ADAMTS18: variants seen among roughly 807,000 people sequenced by gnomAD.
ADAMTS18 encodes A disintegrin and metalloproteinase with thrombospondin motifs 18.
In ADAMTS18, 157 loss-of-function variants were observed where a neutral mutation model predicts 165.9. The observed-to-expected ratio is 0.95, with a 90% CI of 0.83 to 1.08. The LOEUF is 1.08. Among genes scored for constraint, ADAMTS18 ranks in the 50% least tolerant of loss-of-function variants. ADAMTS18 has a pLI of 0.00. For synonymous variants in ADAMTS18, 782 were observed against 578.2 expected (o/e 1.35, Z -5.06); for missense variants, 2,040 against 1,534.0 (o/e 1.33, Z -5.51).
intron 16 of ADAMTS18, among the ~76,000 whole-genome samples, chr16:77,304,704 A>G (rs2055650071): frequency 6.6e-6 from 1 of 152,248 alleles, no homozygotes; most frequent in Non-Finnish European, 1.5e-5. Flanking sequence ...TATCTGGCCA[A>G]AAGAAAAAGA....
intron 21 of ADAMTS18, 117 bp downstream of exon 21, chr16:77,291,149 G>T: frequency 8.7e-7 from 1 of 1,143,188 alleles, no homozygotes; most frequent in Non-Finnish European, 1.3e-6. Flanking sequence ...CAGAACTTGA[G>T]CCCTTAGTTG....
At chr16:77,287,893 T>C (rs1310880290) in intron 22 of ADAMTS18, among the ~76,000 whole-genome samples, 2 of 152,174 alleles carry the variant, frequency 1.3e-5, no homozygotes, top group African/African-American at 2.4e-5. Context: ...TTTGTTGTTG[T>C]AGCTTTCTTT....
In ADAMTS18 at chr16:77,434,608, T is replaced by C. The variant is rs950470974; in HGVS notation, c.88A>G (p.Lys30Glu). Residue 30 changes from lysine to glutamate, a missense_variant and splice_region_variant, in exon 1 of 23, where the codon AAG (lysine) becomes GAG (glutamate). Transcript: ENST00000282849. The stretch of plus-strand genomic sequence containing the variant: ...GAGCTCCGCTCGGCGGCACCTGCCT[T>C]GGCCACGCGCCCCAGTCCCGCCAGG... ...RGLAGLGRVA[K>E]ALQLCCLCCA... 1 of 1,523,474 alleles carries C rather than the reference T, an allele frequency of 6.6e-7. No homozygotes were observed. Among genetic ancestry groups the C allele is most frequent in the Non-Finnish European group, 8.8e-7 (1 of 1,141,084 alleles). 94.4% of individuals were successfully genotyped at this position (1,523,474 alleles called of 1,614,324 possible).
At chr16:77,366,301 T>G (rs989598069) in intron 4 of ADAMTS18, among the ~76,000 whole-genome samples, 6 of 152,220 alleles carry the variant, frequency 3.9e-5, no homozygotes, top group Non-Finnish European at 7.3e-5. Flanking sequence ...GCTCATGCCT[T>G]TAATGCTAAC....
At chr16:77,378,349 A>C (rs1263544828) in intron 3 of ADAMTS18, among the ~76,000 whole-genome samples, 2 of 102,808 alleles carry the variant, frequency 1.9e-5, no homozygotes, top group African/African-American at 6.4e-5. Flanking sequence ...ACAAAAAAAA[A>C]CAAAAAAAAA....
intron 11 of ADAMTS18, among the ~76,000 whole-genome samples, 199 bp from the exon 12 acceptor site, chr16:77,336,103 A>G (rs1196539171): frequency 6.6e-6 from 1 of 152,252 alleles, no homozygotes; most frequent in Non-Finnish European, 1.5e-5. Flanking sequence ...TGAAAGGCTG[A>G]CATCTAGAGA....
chr16:77,289,196 A>G (rs68045879), intron 22 of ADAMTS18, 68 bp downstream of exon 22: 213,419 of 1,587,464 alleles, frequency 0.13, 15,545 homozygotes, highest in African/African-American at 0.25. Context: ...CTGCACTACT[A>G]ACAAAGTAGC....
At chr16:77,379,646 A>G (rs962205332) in intron 3 of ADAMTS18, among the ~76,000 whole-genome samples, 2 of 152,052 alleles carry the variant, frequency 1.3e-5, no homozygotes, top group African/African-American at 2.4e-5. Context: ...GTGCCACCAC[A>G]CCTGGCTAAT....
At chr16:77,344,107 G>GTATA (rs1172076936) in intron 10 of ADAMTS18, among the ~76,000 whole-genome samples, 1 of 142,832 alleles carries the variant, frequency 7.0e-6, no homozygotes, top group Non-Finnish European at 1.5e-5. Flanking sequence ...GAAACCAGAT[G>GTATA]TATATATATA....
At chr16:77,392,182 C>G (rs929769391) in intron 3 of ADAMTS18, among the ~76,000 whole-genome samples, 1 of 152,176 alleles carries the variant, frequency 6.6e-6, no homozygotes, top group Non-Finnish European at 1.5e-5. Flanking sequence ...CTGCTCCAAA[C>G]CCTTGGCTGG....
At chr16:77,322,551 T>G in intron 13 of ADAMTS18, 85 bp from the exon 14 acceptor site, 2 of 1,514,546 alleles carry the variant, frequency 1.3e-6, no homozygotes, top group Non-Finnish European at 1.8e-6. Flanking sequence ...GAATTAAATT[T>G]ACTTAGAAAG....
intron 11 of ADAMTS18, among the ~76,000 whole-genome samples, chr16:77,339,429 G>C (rs375197595): frequency 6.6e-6 from 1 of 152,034 alleles, no homozygotes; most frequent in South Asian, 2.1e-4. Context: ...CTCGTGTTCT[G>C]TTTACTGAAG....
chr16:77,298,286 G>A (rs185882799), intron 17 of ADAMTS18, among the ~76,000 whole-genome samples: 1 of 151,920 alleles, frequency 6.6e-6, no homozygotes, highest in Admixed American at 6.6e-5. Flanking sequence ...TCTTATCAGG[G>A]GCATATATTT....
intron 3 of ADAMTS18, among the ~76,000 whole-genome samples, chr16:77,411,897 C>T (rs1670515377): frequency 6.6e-6 from 1 of 151,650 alleles, no homozygotes; most frequent in Non-Finnish European, 1.5e-5. Flanking sequence ...CCATGTTGGC[C>T]AGGATGGTCT....
intron 3 of ADAMTS18, among the ~76,000 whole-genome samples, chr16:77,381,719 T>C (rs1406285899): frequency 1.3e-5 from 2 of 152,162 alleles, no homozygotes; most frequent in Non-Finnish European, 2.9e-5. Flanking sequence ...GGGGAATCAC[T>C]TGAACCCAGG....
At position 77,359,408 on chromosome 16, in the gene ADAMTS18, C is replaced by A; in HGVS notation, c.1232G>T (p.Ser411Ile). 1 of 1,613,816 alleles carries A rather than the reference C, an allele frequency of 6.2e-7. No individual in the cohort carries two copies. The highest frequency in any genetic ancestry group is 8.5e-7 in the Non-Finnish European group (1 of 1,179,940). Residue 411 changes from serine to isoleucine, a missense_variant, in exon 8 of 23, where the codon AGT becomes ATT. Ser to Ile is a moderately radical substitution (Grantham distance 142). Transcript: ENST00000282849. ...PCDTLGFAPI[S>I]GMCSKYRSCT... ...ACTTCGGTACTTAGAGCACATTCCA[C>A]TGATGGGGGCAAACCCTATTGAAAG...
chr16:77,433,215 A>G (rs1462785154), intron 2 of ADAMTS18, among the ~76,000 whole-genome samples: 7 of 152,218 alleles, frequency 4.6e-5, no homozygotes, highest in African/African-American at 1.7e-4. Context: ...GATTCCTGAC[A>G]TATGCAGGAA....
Position 77,353,860 on chromosome 16 carries a change from T to A in ADAMTS18, c.1487A>T (p.Asp496Val). The A allele has an allele frequency of 6.2e-7, 1 of 1,614,166 alleles. No individual in the cohort carries two copies. The highest frequency in any genetic ancestry group is 8.5e-7 in the Non-Finnish European group (1 of 1,180,028). ...ATACTGTCCTGCTTGCTTGGGCTCA[T>A]CCACTAGACACCCCGCCTGAGGTGT... ...LSTPQAGCLV[D>V]EPKQAGQYKY... Residue 496 changes from aspartate to valine, a missense_variant, in exon 10 of 23, where the codon GAT (aspartate) becomes GTT (valine). Transcript: ENST00000282849.
At chr16:77,428,515 T>C (rs1366546) in intron 3 of ADAMTS18, among the ~76,000 whole-genome samples, 43,434 of 151,894 alleles carry the variant, frequency 0.29, 7,246 homozygotes, top group Middle Eastern at 0.39. Context: ...AATGGAAAAA[T>C]AGGCAATATC....
Sources: gnomAD v4.1 joint callset for allele counts (sites outside exome capture counted in the v4.1 genomes callset) on GRCh38, gnomAD v4.1.1 for gene constraint, MANE v1.5 for transcripts, NCBI Gene and HGNC (gene_info 2026-07-23, HGNC 2026-07-21) for gene names.